Variants in UGT2A3 observed in about 807,000 individuals in gnomAD.
UGT2A3 encodes the protein UDP-glucuronosyltransferase 2A3.
A neutral mutation model predicts 44.1 loss-of-function variants in UGT2A3; 55 were observed. The observed-to-expected ratio is 1.25, with a 90% confidence interval of 1.00 to 1.56. UGT2A3 has a LOEUF of 1.56. Ranked by LOEUF, UGT2A3 falls within the 40% of genes most tolerant of loss-of-function variation. The pLI is 0.00. For missense variants in UGT2A3, 733 were observed against 621.6 expected (o/e 1.18, Z -1.91); for synonymous variants, 243 against 215.1 (o/e 1.13, Z -1.13).
intron 2 of UGT2A3, among the ~76,000 whole-genome samples, chr4:68,933,146 C>T (rs1217311241): frequency 1.3e-5 from 2 of 151,970 alleles, no homozygotes; most frequent in African/African-American, 4.8e-5. Flanking sequence ...CAGCATCAAT[C>T]GCTTTTAAAA....
Position 68,932,739 on chromosome 4 carries a change from C to A in UGT2A3, c.885G>T (p.Gln295His). 1 of 1,608,300 alleles carries A rather than the reference C, an allele frequency of 6.2e-7. No homozygotes were observed. The highest frequency in any genetic ancestry group is 8.5e-7 in the Non-Finnish European group (1 of 1,177,092). ...CCACAATACCATCTTCCCCTGAACT[C>A]TGGACAAAATTTTCCATTTCCTGAA... The part of the protein sequence containing the change: ...ALPKEMENFV[Q>H]SSGEDGIVVF... The change falls in exon 3 of 6, where the codon CAG becomes CAT. Residue 295 changes from glutamine to histidine, a missense_variant. Physicochemically the swap from Gln to His is conservative, Grantham distance 24. Coordinates refer to ENST00000251566, the MANE Select transcript of UGT2A3 (RefSeq NM_024743.4).
intron 1 of UGT2A3, 140 bp downstream of exon 1, chr4:68,950,906 C>G (rs543430308): frequency 1.7e-6 from 1 of 575,904 alleles, no homozygotes; most frequent in East Asian, 3.0e-5. Context: ...AGAACAAATA[C>G]ACTTTCTTTA....
chr4:68,936,620 A>G (rs1717961810), intron 2 of UGT2A3, among the ~76,000 whole-genome samples: 3 of 152,098 alleles, frequency 2.0e-5, no homozygotes, highest in Non-Finnish European at 2.9e-5. Flanking sequence ...CCAAATTGTA[A>G]AGACCATCAA....
chr4:68,930,794 G>A (rs759245298), intron 4 of UGT2A3, 29 bp from the exon 5 acceptor site: 6 of 1,511,514 alleles, frequency 4.0e-6, no homozygotes, highest in Admixed American at 2.2e-5. Flanking sequence ...GAGAAATGGT[G>A]AGATATTTTA....
intron 1 of UGT2A3, among the ~76,000 whole-genome samples, chr4:68,950,675 C>T (rs1208001690): frequency 6.6e-6 from 1 of 151,586 alleles, no homozygotes; most frequent in Non-Finnish European, 1.5e-5. Flanking sequence ...CAAAGAAGAC[C>T]TTCTGAAGAT....
At chr4:68,932,466 C>T (rs574246738) in intron 3 of UGT2A3, among the ~76,000 whole-genome samples, 162 bp downstream of exon 3, 1 of 151,950 alleles carries the variant, frequency 6.6e-6, no homozygotes, top group East Asian at 1.9e-4. Context: ...AACAGCAAGA[C>T]TCAGTAGGCA....
intron 2 of UGT2A3, among the ~76,000 whole-genome samples, chr4:68,942,387 T>C (rs1056851044): frequency 2.7e-5 from 4 of 149,604 alleles, no homozygotes; most frequent in Non-Finnish European, 1.5e-5. Context: ...TGTGTGTTTA[T>C]ATGTATAGAT....
intron 2 of UGT2A3, among the ~76,000 whole-genome samples, chr4:68,940,816 T>TC (rs1553901871): frequency 6.8e-6 from 1 of 147,336 alleles, no homozygotes; most frequent in Non-Finnish European, 1.5e-5. Context: ...ATAGCATAGA[T>TC]ATCACCAAAA....
At chr4:68,937,661 C>G (rs547599250) in intron 2 of UGT2A3, among the ~76,000 whole-genome samples, 21 of 152,028 alleles carry the variant, frequency 1.4e-4, no homozygotes, top group Middle Eastern at 3.4e-3. Context: ...ACCAGAGAAG[C>G]AAGAGCAAAT....
intron 2 of UGT2A3, among the ~76,000 whole-genome samples, 183 bp from the exon 3 acceptor site, chr4:68,932,942 G>A (rs1201653288): frequency 2.0e-5 from 3 of 151,912 alleles, no homozygotes; most frequent in Admixed American, 2.0e-4. Context: ...TAAAACATGT[G>A]GCTTAAATAT....
intron 1 of UGT2A3, among the ~76,000 whole-genome samples, chr4:68,947,311 C>T (rs1046140789): frequency 2.0e-5 from 3 of 151,818 alleles, no homozygotes; most frequent in African/African-American, 7.2e-5. Context: ...AAACCAATTT[C>T]TGTGTTCATC....
Position 68,931,259 on chromosome 4 carries a change from T to C in UGT2A3, c.997-17A>G, listed in dbSNP as rs1411136710. On this transcript the variant is annotated splice_polypyrimidine_tract_variant and intron_variant, in intron 3 of 5. Transcript: ENST00000251566. ...CCATAACACCTACGGAAGAAACACA[T>C]GTATTTCACAGAGTGAACCACAGGA... 4 of 1,597,076 alleles carry C rather than the reference T, an allele frequency of 2.5e-6. No homozygotes were observed. The highest frequency in any genetic ancestry group is 2.7e-5 in the African/African-American group (2 of 74,438).
intron 1 of UGT2A3, among the ~76,000 whole-genome samples, chr4:68,948,561 C>T (rs532000273): frequency 1.3e-5 from 2 of 150,880 alleles, no homozygotes; most frequent in Admixed American, 1.3e-4. Context: ...CGTTCTCCCA[C>T]CTGAGCCTCC....
At chr4:68,938,469 T>A (rs541668225) in intron 2 of UGT2A3, among the ~76,000 whole-genome samples, 1 of 152,172 alleles carries the variant, frequency 6.6e-6, no homozygotes, top group African/African-American at 2.4e-5. Flanking sequence ...ATTATATCAA[T>A]AGATGCAGAA....
rs1274566958 is a variant in UGT2A3 at position 68,945,432 on chromosome 4, C to A, written c.738G>T (p.Glu246Asp). ...GCCATATCTCAGCTTTTCCCACAGT[C>A]TCACATAATGTAGTGGGCCTTCCTC... ...KALGRPTTLC[E>D]TVGKAEIWLI... The change falls in exon 2 of 6, where the codon GAG becomes GAT. Residue 246 changes from glutamate to aspartate, a missense_variant. Glu to Asp is a conservative substitution (Grantham distance 45). Coordinates refer to ENST00000251566, the MANE Select transcript of UGT2A3 (RefSeq NM_024743.4). 4.3e-6 allele frequency: 7 copies of A among 1,610,346 alleles called. No homozygotes were observed. The highest frequency in any genetic ancestry group is 5.9e-6 in the Non-Finnish European group (7 of 1,177,940).
chr4:68,945,735 AGAAG>A (rs3071535), intron 1 of UGT2A3, among the ~76,000 whole-genome samples: 107,558 of 148,828 alleles, frequency 0.72, 40,648 homozygotes, highest in Non-Finnish European at 0.86. Context: ...AAGGAAGGAA[AGAAG>A]GAAGGAAGGA....
chr4:68,931,471 C>T (rs1415579882), intron 3 of UGT2A3, among the ~76,000 whole-genome samples: 3 of 151,590 alleles, frequency 2.0e-5, no homozygotes, highest in Non-Finnish European at 2.9e-5. Flanking sequence ...TATTTTATTA[C>T]CAATTAAAAA....
chr4:68,950,558 GTCTT>G (rs1365600831), intron 1 of UGT2A3, among the ~76,000 whole-genome samples: 3 of 151,782 alleles, frequency 2.0e-5, no homozygotes, highest in Non-Finnish European at 4.4e-5. Context: ...AAGACCGTAA[GTCTT>G]TTAACTTTTT....
chr4:68,930,986 G>A lies in UGT2A3; in HGVS notation c.1084+169C>T, dbSNP rs534225596. 1.3e-4 allele frequency among the ~76,000 whole-genome samples: 20 copies of A among 152,182 alleles called. No individual in the cohort carries two copies. The East Asian group carries it at 3.5e-3, about 27-fold the overall frequency. ...TCCTGTCACTCTCACCTTAACAATA[G>A]AAAGTGTGAATCTATACAATTTTAG... On this transcript the variant is annotated intron_variant, in intron 4 of 5. Coordinates refer to ENST00000251566, the MANE Select transcript of UGT2A3 (RefSeq NM_024743.4).
Sources: allele counts gnomAD v4.1 joint callset (sites outside exome capture counted in the v4.1 genomes callset), GRCh38; gene constraint gnomAD v4.1.1; transcripts MANE v1.5; gene names NCBI Gene and HGNC (gene_info 2026-07-23, HGNC 2026-07-21).